MDH1B: variants seen among roughly 807,000 people sequenced by gnomAD.
The protein encoded by MDH1B is malate dehydrogenase 1B.
MDH1B carries 60 observed loss-of-function variants against 61.4 expected under a neutral mutation model. The ratio of observed to expected loss-of-function variants is 0.98; its 90% CI spans 0.79 to 1.21. MDH1B has a LOEUF of 1.21. Ranked by LOEUF, MDH1B falls within the 50% of genes most tolerant of loss-of-function variation. The pLI, the probability that MDH1B is intolerant of heterozygous loss-of-function variation, is 0.00. For missense variants in MDH1B, 587 were observed against 632.1 expected, an observed-to-expected ratio of 0.93 and a Z score of 0.76; for synonymous variants, 236 against 218.7, an observed-to-expected ratio of 1.08 and a Z score of -0.70.
intron 3 of MDH1B, 45 bp from the exon 4 acceptor site, chr2:206,757,085 T>C: frequency 6.3e-7 from 1 of 1,581,866 alleles, no homozygotes; most frequent in Non-Finnish European, 8.6e-7. Context: ...AATAGATAAC[T>C]AGTTGAAATT....
rs1434475166 is a variant in MDH1B at position 206,741,103 on chromosome 2, T to C, written c.1410A>G (p.Gly470=). 1.9e-6 allele frequency: 3 copies of C among 1,612,548 alleles called. No homozygotes were observed. The highest frequency in any genetic ancestry group is 2.5e-6 in the Non-Finnish European group (3 of 1,179,052). The change falls in exon 10 of 12, where the codon GGA becomes GGG. Residue 470 remains glycine, a splice_region_variant and synonymous_variant. Coordinates refer to ENST00000374412, the MANE Select transcript of MDH1B (RefSeq NM_001039845.3). Reference sequence around the variant, plus strand: ...CTTCATCAGGGACCAGATCTTTATGTCCTGAAATCAAAATTAAATAAAACA... The same window carrying C: ...CTTCATCAGGGACCAGATCTTTATGCCCTGAAATCAAAATTAAATAAAACA... ...DKIHFQPYQS[G]HKDLVPDEEK...
intron 9 of MDH1B, 59 bp downstream of exon 9, chr2:206,745,563 C>A (rs1688055333): frequency 4.7e-6 from 6 of 1,279,390 alleles, no homozygotes; most frequent in Non-Finnish European, 5.6e-6. Flanking sequence ...TCAGTTATAA[C>A]AAATATTTTA....
chr2:206,763,605 C>T (rs531916691), intron 1 of MDH1B, among the ~76,000 whole-genome samples: 1 of 152,192 alleles, frequency 6.6e-6, no homozygotes, highest in Admixed American at 6.5e-5. Context: ...AAAGTCTAAA[C>T]TACTGAATGT....
intron 8 of MDH1B, 23 bp downstream of exon 8, chr2:206,746,264 C>T: frequency 4.4e-6 from 7 of 1,604,240 alleles, no homozygotes; most frequent in Non-Finnish European, 6.0e-6. Flanking sequence ...AGGTCAGTCC[C>T]CTTGCATCTA....
intron 5 of MDH1B, among the ~76,000 whole-genome samples, chr2:206,754,746 T>A (rs1376163351): frequency 6.6e-6 from 1 of 152,172 alleles, no homozygotes; most frequent in Non-Finnish European, 1.5e-5. Context: ...ATACGATGTG[T>A]CACATTATCA....
At chr2:206,756,738 C>T (rs1688781101) in intron 4 of MDH1B, 160 bp downstream of exon 4, 1 of 660,054 alleles carries the variant, frequency 1.5e-6, no homozygotes, top group African/African-American at 1.8e-5. Flanking sequence ...CACACACACA[C>T]AGAGATGCAT....
chr2:206,741,070 A>G lies in MDH1B; in HGVS notation c.1443T>C (p.Asn481=), dbSNP rs754083031. 6 of 1,613,168 alleles carry G rather than the reference A, an allele frequency of 3.7e-6. No homozygotes were observed. Among genetic ancestry groups the G allele is most frequent in the Middle Eastern group, 3.3e-4 (2 of 6,052 alleles). The stretch of plus-strand genomic sequence containing the variant: ...CTGACTTACCATCTGACATAGCTAG[A>G]TTTTTTTCTTCATCAGGGACCAGAT... ...HKDLVPDEEK[N]LAMSDAAEFP... is the part of the protein sequence containing the mutation. The change falls in exon 10 of 12, where the codon AAT becomes AAC. Residue 481 remains asparagine (N), a synonymous_variant. Coordinates refer to ENST00000374412, the MANE Select transcript of MDH1B (RefSeq NM_001039845.3).
rs761068485 is a variant in MDH1B at position 206,746,327 on chromosome 2, C to T, written c.1316G>A (p.Ser439Asn). The T allele has an allele frequency of 5.6e-6, 9 of 1,613,866 alleles. No individual in the cohort carries two copies. Among genetic ancestry groups the T allele is most frequent in the Non-Finnish European group, 5.9e-6 (7 of 1,179,912 alleles). ...TGTCATTCGGGTCATTATTTGTTCACTTATTTCAACATCTTTGAGATCTGT... is the reference window on the plus strand; with the variant it reads ...TGTCATTCGGGTCATTATTTGTTCATTTATTTCAACATCTTTGAGATCTGT... ...VLTDLKDVEISEQIMTRMTSD... is the reference protein window; with the variant it reads ...VLTDLKDVEINEQIMTRMTSD... The change falls in exon 8 of 12, where the codon AGT becomes AAT. Residue 439 changes from serine (S) to asparagine (N), a missense_variant. Transcript: ENST00000374412.
chr2:206,749,275 A>G (rs1029917070), intron 6 of MDH1B, 92 bp from the exon 7 acceptor site: 6 of 1,005,252 alleles, frequency 6.0e-6, no homozygotes, highest in Admixed American at 2.4e-5. Context: ...AGTATCAGAA[A>G]CCTAATCCAC....
intron 6 of MDH1B, 136 bp downstream of exon 6, chr2:206,750,798 G>T: frequency 1.5e-6 from 1 of 670,218 alleles, no homozygotes; most frequent in Non-Finnish European, 2.2e-6. Context: ...TTCTTCAGTA[G>T]ACAGCATGAA....
chr2:206,741,045 C>G lies in MDH1B; in HGVS notation c.1459+9G>C. On this transcript the variant is annotated intron_variant, in intron 10 of 11. Transcript: ENST00000374412. ...AATATAGACATTGTTTATAACCCCA[C>G]TGACTTACCATCTGACATAGCTAGA... 1 of 1,613,148 alleles carries G rather than the reference C, an allele frequency of 6.2e-7. No homozygotes were observed. Among genetic ancestry groups the G allele is most frequent in the Non-Finnish European group, 8.5e-7 (1 of 1,179,538 alleles).
At chr2:206,739,221 C>T (rs1312132535) in intron 11 of MDH1B, among the ~76,000 whole-genome samples, 2 of 151,702 alleles carry the variant, frequency 1.3e-5, no homozygotes, top group African/African-American at 4.9e-5. Flanking sequence ...TTGAGACCAG[C>T]CTGGGAAACA....
At chr2:206,764,248 C>T (rs1028522905) in intron 1 of MDH1B, among the ~76,000 whole-genome samples, 1 of 150,490 alleles carries the variant, frequency 6.6e-6, no homozygotes, top group African/African-American at 2.5e-5. Context: ...CTGTGAGCCA[C>T]GATTGCACCA....
intron 2 of MDH1B, among the ~76,000 whole-genome samples, chr2:206,760,456 A>G (rs1011517978): frequency 6.6e-6 from 1 of 151,904 alleles, no homozygotes; most frequent in Non-Finnish European, 1.5e-5. Flanking sequence ...CCTTTACCCA[A>G]TCCTGCCACC....
In MDH1B at chr2:206,738,388, T is replaced by C; in HGVS notation, c.*95A>G. 1.0e-6 allele frequency: 1 copy of C among 974,826 alleles called. No individual in the cohort carries two copies. Among genetic ancestry groups the C allele is most frequent in the Non-Finnish European group, 1.5e-6 (1 of 664,902 alleles). 60.4% of individuals were successfully genotyped at this position (974,826 alleles called of 1,614,324 possible). On this transcript the variant is annotated 3_prime_UTR_variant, in exon 12 of 12. Transcript: ENST00000374412. ...ATTATCTAAGACTGACATAAATCTT[T>C]CAAATTATTCTTCCTTAAATATAGA...
At chr2:206,742,400 C>A (rs551010350) in intron 9 of MDH1B, among the ~76,000 whole-genome samples, 22 of 152,198 alleles carry the variant, frequency 1.4e-4, no homozygotes, top group African/African-American at 4.3e-4. Context: ...TCTGATGAAC[C>A]TTTTTTGCCA....
At chr2:206,747,169 AAC>A (rs1688162944) in intron 7 of MDH1B, among the ~76,000 whole-genome samples, 2 of 151,840 alleles carry the variant, frequency 1.3e-5, no homozygotes, top group African/African-American at 2.4e-5. Flanking sequence ...AAAAACAAAC[AAC>A]AACAACAACA....
At chr2:206,747,514 G>A (rs1325963059) in intron 7 of MDH1B, among the ~76,000 whole-genome samples, 1 of 151,942 alleles carries the variant, frequency 6.6e-6, no homozygotes, top group Non-Finnish European at 1.5e-5. Context: ...TTATGGCAAT[G>A]TTCATGCACC....
At chr2:206,765,057 T>C (rs1689357338) in intron 1 of MDH1B, among the ~76,000 whole-genome samples, 193 bp downstream of exon 1, 1 of 152,008 alleles carries the variant, frequency 6.6e-6, no homozygotes. Flanking sequence ...AAGGCAGGGA[T>C]ATGTTTCCCT....
Sources: allele counts gnomAD v4.1 joint callset (sites outside exome capture counted in the v4.1 genomes callset), GRCh38; gene constraint gnomAD v4.1.1; transcripts MANE v1.5; gene names NCBI Gene and HGNC (gene_info 2026-07-23, HGNC 2026-07-21).